Variants in COL5A2 observed in about 807,000 individuals in gnomAD.
COL5A2 encodes the protein collagen type V alpha 2 chain.
A neutral mutation model predicts 208.2 loss-of-function variants in COL5A2; 23 were observed. That is an observed-to-expected ratio of 0.11 (90% confidence interval 0.08 to 0.16). COL5A2 has a LOEUF of 0.16. Ranked by LOEUF, COL5A2 falls within the 10% of genes least tolerant of loss-of-function variation. The probability of loss-of-function intolerance (pLI) is 1.00; values close to 1 mark genes in which losing one functional copy is unlikely to be tolerated. For synonymous variants in COL5A2, 625 were observed against 628.5 expected, an observed-to-expected ratio of 0.99 and a Z score of 0.08; for missense variants, 1,590 against 1,956.4, an observed-to-expected ratio of 0.81 and a Z score of 3.53.
intron 16 of COL5A2, 121 bp downstream of exon 16, chr2:189,078,395 G>A (rs201982165): frequency 1.3e-4 from 69 of 538,694 alleles, no homozygotes; most frequent in African/African-American, 2.6e-4. Context: ...AAAAGAAAAA[G>A]AAAAAAAAAA....
the COL5A2 span, among the ~76,000 whole-genome samples, chr2:189,248,302 T>G: frequency 1.3e-5 from 2 of 152,220 alleles, no homozygotes; most frequent in Non-Finnish European, 2.9e-5. Flanking sequence ...GTTATTTCTA[T>G]GTTTTAAAAA....
At chr2:189,300,175 C>A in the COL5A2 span, among the ~76,000 whole-genome samples, 1 of 152,176 alleles carries the variant, frequency 6.6e-6, no homozygotes, top group Non-Finnish European at 1.5e-5. Flanking sequence ...AATGCAAATT[C>A]CTTGCCAGTC....
chr2:189,292,985 T>C, the COL5A2 span, among the ~76,000 whole-genome samples: 6 of 151,982 alleles, frequency 3.9e-5, no homozygotes, highest in Non-Finnish European at 1.5e-5. Flanking sequence ...ATCATCATTC[T>C]CAGTAAACTA....
chr2:189,234,543 A>G, the COL5A2 span, among the ~76,000 whole-genome samples: 1 of 151,924 alleles, frequency 6.6e-6, no homozygotes, highest in East Asian at 1.9e-4. Flanking sequence ...TTGACTTTAC[A>G]TAGAGTTGAC....
chr2:189,438,063 A>C, the COL5A2 span, among the ~76,000 whole-genome samples: 1 of 151,950 alleles, frequency 6.6e-6, no homozygotes, highest in Non-Finnish European at 1.5e-5. Flanking sequence ...CCAATAAAGC[A>C]ATGCGTGAAG....
intron 38 of COL5A2, among the ~76,000 whole-genome samples, 158 bp from the exon 39 acceptor site, chr2:189,053,176 A>C (rs1215995308): frequency 1.3e-5 from 2 of 152,226 alleles, no homozygotes; most frequent in Non-Finnish European, 2.9e-5. Context: ...CTCTGATGAG[A>C]TCTTTCAAAA....
chr2:189,231,766 G>A, the COL5A2 span, among the ~76,000 whole-genome samples: 3 of 149,374 alleles, frequency 2.0e-5, no homozygotes, highest in Non-Finnish European at 3.0e-5. Context: ...AGAATAAAAA[G>A]AGAAAAAGAT....
the COL5A2 span, among the ~76,000 whole-genome samples, chr2:189,322,091 G>A: frequency 3.3e-5 from 5 of 152,136 alleles, no homozygotes; most frequent in Non-Finnish European, 7.4e-5. Context: ...CGTACATAAC[G>A]AAATGAAGGC....
Position 189,048,246 on chromosome 2 carries a change from T to C in COL5A2, c.3164A>G (p.Asp1055Gly), listed in dbSNP as rs2153507733. 1 of 1,614,014 alleles carries C rather than the reference T, an allele frequency of 6.2e-7. No individual in the cohort carries two copies. The highest frequency in any genetic ancestry group is 8.5e-7 in the Non-Finnish European group (1 of 1,179,940). Residue 1055 changes from aspartate (D) to glycine (G), a missense_variant, in exon 45 of 54, where the codon GAT (aspartate) becomes GGT (glycine). By Grantham distance (94) the Asp-to-Gly change is moderately conservative. Coordinates refer to ENST00000374866, the MANE Select transcript of COL5A2 (RefSeq NM_000393.5). ...AGCACCATCCCGTCCTGGGGTACCA[T>C]CATTGCCAGCTGGACCCTATAAAGA... ...EPGPEGPAGN[D>G]GTPGRDGAVG...
chr2:189,039,711 G>A, intron 50 of COL5A2, 148 bp from the exon 51 acceptor site: 1 of 704,822 alleles, frequency 1.4e-6, no homozygotes. Context: ...TAACTAGATG[G>A]GGGTGGTCTA....
At chr2:189,034,632 A>T (rs1317030842) in intron 53 of COL5A2, among the ~76,000 whole-genome samples, 1 of 152,156 alleles carries the variant, frequency 6.6e-6, no homozygotes, top group Non-Finnish European at 1.5e-5. Context: ...CATGGGACTG[A>T]GATTCAGTAA....
At position 189,086,557 on chromosome 2, in the gene COL5A2, T is replaced by C. The variant is rs72904489; in HGVS notation, c.690+169A>G. Among the ~76,000 whole-genome samples, 21,593 of 152,250 alleles carry C rather than the reference T, an allele frequency of 0.14. 1,517 individuals are homozygous for C. Among genetic ancestry groups the C allele is most frequent in the Middle Eastern group, 0.19 (56 of 294 alleles). ...TCCCAATAAACTTTGCAAAGACATG[T>C]GGCATATATTTCTAAATAAAAACTA... On this transcript the variant is annotated intron_variant, in intron 9 of 53. Transcript: ENST00000374866.
chr2:189,247,114 A>G, the COL5A2 span, among the ~76,000 whole-genome samples: 1 of 151,700 alleles, frequency 6.6e-6, no homozygotes, highest in East Asian at 2.0e-4. Flanking sequence ...TGAGACAGGT[A>G]GAATGGTGAT....
At chr2:189,190,476 T>C (rs1688909479) in intron 1 of COL5A2, among the ~76,000 whole-genome samples, 3 of 152,192 alleles carry the variant, frequency 2.0e-5, no homozygotes, top group Admixed American at 6.5e-5. Flanking sequence ...TTCCTGTTAA[T>C]TTACTTTAAA....
chr2:189,064,937 G>A (rs983884694), intron 24 of COL5A2, 67 bp downstream of exon 24: 27 of 1,463,868 alleles, frequency 1.8e-5, no homozygotes, highest in East Asian at 4.6e-5. Flanking sequence ...CTAGATCACC[G>A]TGCTGAAAAA....
chr2:189,267,566 C>T, the COL5A2 span, among the ~76,000 whole-genome samples: 1 of 151,972 alleles, frequency 6.6e-6, no homozygotes, highest in African/African-American at 2.4e-5. Flanking sequence ...ACGTACCCAT[C>T]ATTTTTAAAA....
the COL5A2 span, among the ~76,000 whole-genome samples, chr2:189,351,118 C>T: frequency 1.3e-5 from 2 of 152,106 alleles, no homozygotes; most frequent in African/African-American, 4.8e-5. Context: ...TCTGGAGATT[C>T]CTATATGGCT....
At chr2:189,055,027 G>C (rs965680083) in intron 35 of COL5A2, among the ~76,000 whole-genome samples, 2 of 152,032 alleles carry the variant, frequency 1.3e-5, no homozygotes, top group Non-Finnish European at 2.9e-5. Context: ...GGGATTGCAA[G>C]CGTCTGTCAC....
At chr2:189,063,876 C>T in intron 26 of COL5A2, 104 bp downstream of exon 26, 1 of 891,230 alleles carries the variant, frequency 1.1e-6, no homozygotes, top group Non-Finnish European at 1.8e-6. Flanking sequence ...GTCAATATGA[C>T]CAGCATCCAT....
Sources: allele counts gnomAD v4.1 joint callset (sites outside exome capture counted in the v4.1 genomes callset), GRCh38; gene constraint gnomAD v4.1.1; transcripts MANE v1.5; gene names NCBI Gene and HGNC (gene_info 2026-07-23, HGNC 2026-07-21).